NRXN1: variants seen among roughly 807,000 people sequenced by gnomAD.
NRXN1 encodes the protein neurexin 1.
In NRXN1, 39 loss-of-function variants were observed where a neutral mutation model predicts 150.9. The observed-to-expected ratio is 0.26, with a 90% confidence interval of 0.20 to 0.34. NRXN1 has a LOEUF of 0.34. Ranked by LOEUF, NRXN1 falls within the 10% of genes least tolerant of loss-of-function variation. The pLI, the probability that NRXN1 is intolerant of heterozygous loss-of-function variation, is 1.00. For missense variants in NRXN1, 1,815 were observed against 1,949.9 expected (o/e 0.93, Z 1.30); for synonymous variants, 924 against 757.0 (o/e 1.22, Z -3.62).
chr2:50,401,315 A>G (rs1443547790), intron 17 of NRXN1, among the ~76,000 whole-genome samples: 1 of 152,290 alleles, frequency 6.6e-6, no homozygotes, highest in East Asian at 1.9e-4. Context: ...TCAAATACCA[A>G]TATCACTAAT....
At chr2:50,141,072 A>G (rs1044037031) in intron 18 of NRXN1, among the ~76,000 whole-genome samples, 2 of 152,220 alleles carry the variant, frequency 1.3e-5, no homozygotes, top group African/African-American at 4.8e-5. Flanking sequence ...GAACGTATCT[A>G]AACAGACAGC....
chr2:50,924,462 T>C (rs958481471), intron 3 of NRXN1, among the ~76,000 whole-genome samples: 1 of 151,630 alleles, frequency 6.6e-6, no homozygotes, highest in Admixed American at 6.6e-5. Context: ...TGGGATGCAA[T>C]AGGATTTTAA....
intron 5 of NRXN1, among the ~76,000 whole-genome samples, chr2:50,850,008 C>T (rs1674276217): frequency 6.6e-6 from 1 of 151,886 alleles, no homozygotes; most frequent in Non-Finnish European, 1.5e-5. Context: ...AAGTTGAAGA[C>T]CAGCCTAGGC....
At chr2:50,837,331 ACTTT>A (rs1473668504) in intron 5 of NRXN1, among the ~76,000 whole-genome samples, 1 of 152,142 alleles carries the variant, frequency 6.6e-6, no homozygotes, top group Non-Finnish European at 1.5e-5. Flanking sequence ...CAAACAAAGC[ACTTT>A]CTTTGCATTT....
At chr2:50,217,195 C>T (rs543735037) in intron 18 of NRXN1, among the ~76,000 whole-genome samples, 1 of 152,106 alleles carries the variant, frequency 6.6e-6, no homozygotes, top group South Asian at 2.1e-4. Context: ...TTTCCCAATC[C>T]TTGATTATGA....
intron 5 of NRXN1, among the ~76,000 whole-genome samples, chr2:50,846,489 TCTTA>T (rs2105953600): frequency 6.6e-6 from 1 of 152,336 alleles, no homozygotes; most frequent in East Asian, 1.9e-4. Flanking sequence ...ACTGTGTTTG[TCTTA>T]CTGTCTCTCA....
At chr2:49,952,821 T>C (rs1674212305) in intron 21 of NRXN1, among the ~76,000 whole-genome samples, 1 of 152,130 alleles carries the variant, frequency 6.6e-6, no homozygotes, top group African/African-American at 2.4e-5. Flanking sequence ...AATGAGATAT[T>C]CATCTTTGTT....
At chr2:50,169,142 T>C (rs1307858903) in intron 18 of NRXN1, among the ~76,000 whole-genome samples, 2 of 152,212 alleles carry the variant, frequency 1.3e-5, no homozygotes, top group South Asian at 2.1e-4. Context: ...GGGTGGAAGC[T>C]ATTATTTTCA....
At chr2:50,930,057 G>A (rs1319720848) in intron 2 of NRXN1, among the ~76,000 whole-genome samples, 2 of 152,022 alleles carry the variant, frequency 1.3e-5, no homozygotes, top group African/African-American at 4.8e-5. Flanking sequence ...CAGGAATTGG[G>A]CTAATTTCAA....
rs545852362 is a variant in NRXN1 at position 50,482,975 on chromosome 2, C to T, written c.3071-10504G>A. Among the ~76,000 whole-genome samples the T allele has an allele frequency of 7.6e-5, 11 of 144,762 alleles. No individual in the cohort carries two copies. The South Asian group carries it at 1.8e-3, about 24-fold the overall frequency. 95.0% of individuals were successfully genotyped at this position (144,762 alleles called of 152,430 possible). Reference sequence around the variant, plus strand: ...CTGAGGCAGGAGAATCGCTTGAACCCGGGAGGCAGTGGTTGCAGTGAGCCA... The same window carrying T: ...CTGAGGCAGGAGAATCGCTTGAACCTGGGAGGCAGTGGTTGCAGTGAGCCA... On this transcript the variant is annotated intron_variant, in intron 15 of 22. Transcript: ENST00000401669.
intron 17 of NRXN1, among the ~76,000 whole-genome samples, chr2:50,373,679 A>AAAGAAGGAAAGAAAGAAAG (rs1553513456): frequency 1.2e-3 from 80 of 65,590 alleles, no homozygotes; most frequent in African/African-American, 4.3e-3. Flanking sequence ...AGAAAGAAAG[A>AAAGAAGGAAAGAAAGAAAG]AAAGAAAGAA....
intron 17 of NRXN1, among the ~76,000 whole-genome samples, chr2:50,312,948 G>A (rs929324299): frequency 2.6e-5 from 4 of 152,044 alleles, no homozygotes; most frequent in African/African-American, 9.7e-5. Context: ...GCTTTCTTGG[G>A]AGTCACTTCC....
intron 17 of NRXN1, among the ~76,000 whole-genome samples, chr2:50,435,245 T>C (rs2085325767): frequency 6.6e-6 from 1 of 152,178 alleles, no homozygotes; most frequent in South Asian, 2.1e-4. Context: ...TATACAATCA[T>C]TTAAGTAGTC....
chr2:50,854,513 G>T (rs1674979713), intron 5 of NRXN1, among the ~76,000 whole-genome samples: 1 of 152,062 alleles, frequency 6.6e-6, no homozygotes, highest in Non-Finnish European at 1.5e-5. Flanking sequence ...CCTTTAAGCT[G>T]CACTGTCTTA....
chr2:50,915,557 C>CT (rs1264051728), intron 5 of NRXN1, among the ~76,000 whole-genome samples: 1 of 151,542 alleles, frequency 6.6e-6, no homozygotes, highest in African/African-American at 2.4e-5. Context: ...GATAATCAAT[C>CT]TTTAATACTT....
At chr2:50,230,896 C>G (rs1028109942) in intron 18 of NRXN1, among the ~76,000 whole-genome samples, 8 of 151,974 alleles carry the variant, frequency 5.3e-5, no homozygotes, top group African/African-American at 1.7e-4. Context: ...TCACATTTTC[C>G]CCAAAAATGA....
Position 50,921,871 on chromosome 2 carries a change from T to C in NRXN1, c.830A>G (p.Lys277Arg). The C allele has an allele frequency of 2.2e-6, 3 of 1,389,946 alleles. No individual in the cohort carries two copies. The highest frequency in any genetic ancestry group is 2.6e-5 in the East Asian group (1 of 38,742). The allele number at this position is 1,389,946 out of a possible 1,614,324, so 86.1% of individuals were successfully genotyped here. The part of the protein sequence containing the change: ...HLMMGDQGKS[K>R]GKEEYIATFK... ...GAAGAAATAAAATAATGTAATACCT[T>C]TACTTTTACCTATGGATTTGATGAA... Residue 277 changes from lysine to arginine, a missense_variant and splice_region_variant, in exon 5 of 23, where the codon AAA becomes AGA. This residue lies in a region of NRXN1 where 554 missense variants were observed against 478.8 expected (regional missense o/e 1.16). Transcript: ENST00000401669.
chr2:50,945,712 C>G (rs138413661), intron 2 of NRXN1, among the ~76,000 whole-genome samples: 1 of 151,328 alleles, frequency 6.6e-6, no homozygotes, highest in Non-Finnish European at 1.5e-5. Flanking sequence ...AGATTAGATA[C>G]GGGCACTGAA....
intron 18 of NRXN1, among the ~76,000 whole-genome samples, chr2:50,215,331 A>T (rs899252644): frequency 6.6e-6 from 1 of 152,076 alleles, no homozygotes; most frequent in East Asian, 1.9e-4. Context: ...AAGGCCTATT[A>T]TAAATAAATA....
Sources: allele counts gnomAD v4.1 joint callset (sites outside exome capture counted in the v4.1 genomes callset), GRCh38; gene constraint gnomAD v4.1.1; regional missense constraint gnomAD v4.1.1; transcripts MANE v1.5; gene names NCBI Gene and HGNC (gene_info 2026-07-23, HGNC 2026-07-21).